The following CD53 variants were observed in gnomAD, a reference collection of about 807,000 sequenced individuals.
The protein encoded by CD53 is leukocyte surface antigen CD53.
Under a neutral mutation model 27.3 loss-of-function variants are expected in CD53, and 20 were observed. The ratio of observed to expected loss-of-function variants is 0.73; its 90% CI spans 0.52 to 1.07. The LOEUF (loss-of-function observed/expected upper bound fraction) is 1.07, where lower values mean the gene tolerates loss of function less well. CD53 is among the 50% of genes least tolerant of loss of function. The pLI, the probability that CD53 is intolerant of heterozygous loss-of-function variation, is 0.00. For synonymous variants in CD53, 106 were observed against 105.3 expected, an observed-to-expected ratio of 1.01 and a Z score of -0.04; for missense variants, 216 against 264.0, an observed-to-expected ratio of 0.82 and a Z score of 1.26.
rs1189057500 is a variant in CD53 at position 110,899,875 on chromosome 1, G to A, written c.*680G>A. 2 of 151,160 alleles carry A rather than the reference G, an allele frequency of 1.3e-5. No individual in the cohort carries two copies. Among genetic ancestry groups the A allele is most frequent in the Admixed American group, 6.7e-5 (1 of 14,922 alleles). 9.4% of individuals were successfully genotyped at this position (151,160 alleles called of 1,614,324 possible). A position where few individuals can be genotyped will look rare whatever the true frequency, so the allele number is the denominator to read the frequency against. On this transcript the variant is annotated 3_prime_UTR_variant, in exon 8 of 8. Transcript: ENST00000271324. Reference sequence around the variant, plus strand: ...TTATCTCTCTATCAGATAAGATTTTGTTAATGTACTATTTTACTCTTCAAT... The same window carrying A: ...TTATCTCTCTATCAGATAAGATTTTATTAATGTACTATTTTACTCTTCAAT...
At chr1:110,886,882 G>A (rs116566410) in intron 1 of CD53, among the ~76,000 whole-genome samples, 14,366 of 76,474 alleles carry the variant, frequency 0.19, 1,034 homozygotes, top group Non-Finnish European at 0.29. Flanking sequence ...TTTTTTTTCT[G>A]TCTGTGTTTC....
At chr1:110,892,739 T>C (rs1411806788) in intron 3 of CD53, 3 of 526,494 alleles carry the variant, frequency 5.7e-6, no homozygotes, top group Non-Finnish European at 1.0e-5. Context: ...GGCATTGCTA[T>C]CCCCCTTGTA....
At chr1:110,878,415 T>C (rs899212725) in intron 1 of CD53, among the ~76,000 whole-genome samples, 2 of 152,180 alleles carry the variant, frequency 1.3e-5, no homozygotes, top group African/African-American at 4.8e-5. Context: ...TGTATGTAAA[T>C]TGACAATCTG....
At chr1:110,872,533 C>CT (rs769157746), upstream of CD53, among the ~76,000 whole-genome samples, 8 of 152,162 alleles carry the variant, frequency 5.3e-5, no homozygotes, top group Non-Finnish European at 1.0e-4. Flanking sequence ...TGTGGTGTTT[C>CT]CTGTACTAAC....
rs776725210 is a variant in CD53 at position 110,896,653 on chromosome 1, C to G, written c.424C>G (p.Leu142Val). Reference sequence around the variant, plus strand: ...ATCATTTTGGGGGTTTGGCTTTTAGCTGCAGTGTTGTGGTATAAATGGCAC... The same window carrying G: ...ATCATTTTGGGGGTTTGGCTTTTAGGTGCAGTGTTGTGGTATAAATGGCAC... ...KAAWDSIQSF[L>V]QCCGINGTSD... is the part of the protein sequence containing the mutation. The change falls in exon 6 of 8, where the codon CTG becomes GTG. Residue 142 changes from leucine (L) to valine (V), a missense_variant and splice_region_variant. Coordinates refer to ENST00000271324, the MANE Select transcript of CD53 (RefSeq NM_000560.4). 5.6e-6 allele frequency: 9 copies of G among 1,611,898 alleles called. No homozygotes were observed. The African/African-American group carries it at 1.1e-4, about 19-fold the overall frequency.
chr1:110,874,262 T>C (rs1453744378), intron 1 of CD53, among the ~76,000 whole-genome samples: 1 of 152,210 alleles, frequency 6.6e-6, no homozygotes, highest in Non-Finnish European at 1.5e-5. Flanking sequence ...GGCTCTGGAT[T>C]CCCAAAACAC....
chr1:110,882,038 T>C (rs978978561), intron 1 of CD53, among the ~76,000 whole-genome samples: 2 of 152,236 alleles, frequency 1.3e-5, no homozygotes, highest in African/African-American at 4.8e-5. Flanking sequence ...CCTGTGTGAT[T>C]TGGAAATATT....
chr1:110,889,122 A>G, intron 1 of CD53, among the ~76,000 whole-genome samples: 1 of 152,266 alleles, frequency 6.6e-6, no homozygotes, highest in South Asian at 2.1e-4. Context: ...AATTTTTTTA[A>G]AATTCTAGAT....
intron 1 of CD53, among the ~76,000 whole-genome samples, chr1:110,874,067 T>C (rs1194871747): frequency 1.3e-5 from 2 of 152,242 alleles, no homozygotes; most frequent in Non-Finnish European, 2.9e-5. Flanking sequence ...CCTGACTCTC[T>C]GTGACCACCA....
chr1:110,892,555 G>T, intron 3 of CD53, 22 bp downstream of exon 3: 1 of 1,591,624 alleles, frequency 6.3e-7, no homozygotes, highest in Non-Finnish European at 8.6e-7. Context: ...CAGCAGATGT[G>T]GTGCCCCAAG....
At chr1:110,894,509 T>C in intron 4 of CD53, 108 bp downstream of exon 4, 1 of 834,070 alleles carries the variant, frequency 1.2e-6, no homozygotes, top group East Asian at 2.5e-5. Context: ...GAGATAGAAA[T>C]GAAGTGGAAG....
intron 1 of CD53, among the ~76,000 whole-genome samples, chr1:110,874,181 C>T (rs965412454): frequency 1.1e-4 from 17 of 152,316 alleles, no homozygotes; most frequent in Admixed American, 9.8e-4. Context: ...TTACACCCAC[C>T]CATCTAAGTA....
rs574163708 is a variant in CD53, at chr1:110,894,250, T to C, written c.253-77T>C. 60 of 1,292,890 alleles carry C rather than the reference T, an allele frequency of 4.6e-5. No homozygotes were observed. The Middle Eastern group carries it at 7.3e-4, about 16-fold the overall frequency. 80.1% of individuals were successfully genotyped at this position (1,292,890 alleles called of 1,614,324 possible). On this transcript the variant is annotated intron_variant, in intron 3 of 7. Transcript: ENST00000271324. The stretch of plus-strand genomic sequence containing the variant: ...CACCCTGTACTCGTGCAAATGCCCC[T>C]GGATGCTCCCAGAGCTGAGTGGGAG...
intron 1 of CD53, among the ~76,000 whole-genome samples, chr1:110,884,461 C>G (rs969076974): frequency 6.6e-6 from 1 of 152,092 alleles, no homozygotes; most frequent in Non-Finnish European, 1.5e-5. Flanking sequence ...GTGGAGTGTT[C>G]TATCACAATC....
chr1:110,885,395 G>A (rs1656536486), intron 1 of CD53, among the ~76,000 whole-genome samples: 1 of 152,122 alleles, frequency 6.6e-6, no homozygotes, highest in Non-Finnish European at 1.5e-5. Flanking sequence ...AAAATTAGCT[G>A]GACGTGGTGG....
chr1:110,887,058 G>GTTTATTTTAT (rs71096370), intron 1 of CD53, among the ~76,000 whole-genome samples: 122 of 146,770 alleles, frequency 8.3e-4, no homozygotes, highest in South Asian at 3.0e-3. Flanking sequence ...CTCTATTTAT[G>GTTTATTTTAT]TTTATTTTAT....
At chr1:110,894,470 T>C in intron 4 of CD53, 69 bp downstream of exon 4, 1 of 1,140,100 alleles carries the variant, frequency 8.8e-7, no homozygotes, top group South Asian at 1.2e-5. Flanking sequence ...GAGAAGTTGG[T>C]ACAAAGTTAC....
At chr1:110,875,716 G>A (rs1433157401) in intron 1 of CD53, among the ~76,000 whole-genome samples, 1 of 152,190 alleles carries the variant, frequency 6.6e-6, no homozygotes, top group African/African-American at 2.4e-5. Context: ...GTAACCCAGA[G>A]AAAACAGACA....
Position 110,892,388 on chromosome 1 carries a change from T to C in CD53, c.107T>C (p.Ile36Thr), listed in dbSNP as rs1656887737. ...TTGGGCTTTGGGATCTACCTGCTGA[T>C]CCACAACAACTTCGGAGTGCTCTTC... ...CILGFGIYLL[I>T]HNNFGVLFHN... Residue 36 changes from isoleucine (I) to threonine (T), a missense_variant, in exon 3 of 8, where the codon ATC (isoleucine) becomes ACC (threonine). Ile to Thr is a moderately conservative substitution (Grantham distance 89). Transcript: ENST00000271324. 6.2e-7 allele frequency: 1 copy of C among 1,614,114 alleles called. No individual in the cohort carries two copies. The highest frequency in any genetic ancestry group is 2.2e-5 in the East Asian group (1 of 44,884).
Sources: allele counts gnomAD v4.1 joint callset (sites outside exome capture counted in the v4.1 genomes callset), GRCh38; gene constraint gnomAD v4.1.1; transcripts MANE v1.5; gene names NCBI Gene and HGNC (gene_info 2026-07-23, HGNC 2026-07-21).